The following MYT1L variants were observed in gnomAD, a reference collection of about 807,000 sequenced individuals.
The protein encoded by MYT1L is myelin transcription factor 1 like.
MYT1L carries 12 observed loss-of-function variants against 126.7 expected under a neutral mutation model. The observed-to-expected ratio is 0.09, with a 90% CI of 0.06 to 0.15. The LOEUF is 0.15. MYT1L is among the 10% of genes least tolerant of loss of function. The pLI, the probability that MYT1L is intolerant of heterozygous loss-of-function variation, is 1.00. For synonymous variants in MYT1L, 541 were observed against 604.2 expected, an observed-to-expected ratio of 0.90 and a Z score of 1.53; for missense variants, 979 against 1,585.2, an observed-to-expected ratio of 0.62 and a Z score of 6.49.
intron 3 of MYT1L, among the ~76,000 whole-genome samples, chr2:2,055,582 T>A (rs995627869): frequency 6.6e-6 from 1 of 152,144 alleles, no homozygotes; most frequent in African/African-American, 2.4e-5. Flanking sequence ...GACATAGTGG[T>A]TTTATAAAAA....
intron 1 of MYT1L, among the ~76,000 whole-genome samples, chr2:2,322,913 T>C (rs2096193836): frequency 6.6e-6 from 1 of 152,212 alleles, no homozygotes; most frequent in African/African-American, 2.4e-5. Context: ...TAAAACTGCT[T>C]GAGTTAAATT....
intron 2 of MYT1L, among the ~76,000 whole-genome samples, chr2:2,259,416 A>AT (rs931095139): frequency 3.3e-5 from 5 of 152,032 alleles, no homozygotes; most frequent in African/African-American, 1.2e-4. Context: ...CATTAAAAAA[A>AT]AAAATGGAAC....
chr2:2,004,803 C>A (rs1273728344), intron 4 of MYT1L, among the ~76,000 whole-genome samples: 1 of 149,300 alleles, frequency 6.7e-6, no homozygotes, highest in Non-Finnish European at 1.5e-5. Flanking sequence ...TGCATGTGTT[C>A]TTTCCTGCAG....
In MYT1L at chr2:1,897,681, T is replaced by C. The variant is rs567775274; in HGVS notation, c.2033-5394A>G. Among the ~76,000 whole-genome samples, 382 of 152,308 alleles carry C rather than the reference T, an allele frequency of 2.5e-3. 2 individuals carry two copies. The highest frequency in any genetic ancestry group is 4.8e-3 in the Non-Finnish European group (326 of 68,042). On this transcript the variant is annotated intron_variant, in intron 14 of 24. Transcript: ENST00000647738. ...TTTCACCATGTTGGCCAGGCTGATCTCAAACTCCTGACTTCAGGTGATCTG... is the reference window on the plus strand; with the variant it reads ...TTTCACCATGTTGGCCAGGCTGATCCCAAACTCCTGACTTCAGGTGATCTG...
chr2:2,233,828 G>A (rs1400168830), intron 2 of MYT1L, among the ~76,000 whole-genome samples: 3 of 152,208 alleles, frequency 2.0e-5, no homozygotes, highest in Non-Finnish European at 4.4e-5. Context: ...GGCCTGCCAA[G>A]CTCGTGGCCT....
At chr2:1,997,984 G>A (rs969618992) in intron 4 of MYT1L, among the ~76,000 whole-genome samples, 4 of 152,198 alleles carry the variant, frequency 2.6e-5, no homozygotes, top group African/African-American at 9.6e-5. Context: ...TCCCCAGTTA[G>A]TCAGGAGATA....
chr2:2,045,322 T>C (rs537698822), intron 4 of MYT1L, among the ~76,000 whole-genome samples: 1 of 152,312 alleles, frequency 6.6e-6, no homozygotes, highest in South Asian at 2.1e-4. Flanking sequence ...TGCACTGCGA[T>C]TGATTTTGCC....
At position 1,872,686 on chromosome 2, in the gene MYT1L, C is replaced by T. The variant is rs565592600; in HGVS notation, c.2711+13853G>A. Among the ~76,000 whole-genome samples the T allele has an allele frequency of 4.6e-5, 7 of 152,234 alleles. No homozygotes were observed. In the South Asian group the frequency reaches 1.2e-3, roughly 27 times the overall value. On this transcript the variant is annotated intron_variant, in intron 18 of 24. Transcript: ENST00000647738. The stretch of plus-strand genomic sequence containing the variant: ...TTTTAGTTTGTTAATTATCTTTGTC[C>T]TCTTTTTTCTGACATGCCCTCCCTC...
chr2:1,947,302 G>C (rs2057320835), intron 8 of MYT1L, among the ~76,000 whole-genome samples: 1 of 152,182 alleles, frequency 6.6e-6, no homozygotes, highest in Admixed American at 6.5e-5. Flanking sequence ...ACTGTGCGAT[G>C]TTGGCCCCAT....
intron 9 of MYT1L, among the ~76,000 whole-genome samples, chr2:1,940,274 T>A (rs1471670385): frequency 1.2e-3 from 162 of 133,104 alleles, no homozygotes; most frequent in Middle Eastern, 9.3e-3. Context: ...AGGTTATCTC[T>A]CAACATCTCC....
chr2:2,062,481 G>A (rs1229780782), intron 3 of MYT1L, among the ~76,000 whole-genome samples: 1 of 152,136 alleles, frequency 6.6e-6, no homozygotes, highest in Admixed American at 6.5e-5. Context: ...CCATCACCCA[G>A]TCCCTGCCCC....
chr2:2,068,728 CTT>C (rs201270937), intron 3 of MYT1L, among the ~76,000 whole-genome samples: 4,979 of 66,918 alleles, frequency 0.074, 133 homozygotes, highest in Non-Finnish European at 0.12. Context: ...GTAATACTGG[CTT>C]TTTTTTTTTT....
At chr2:2,026,271 G>C (rs781713737) in intron 4 of MYT1L, among the ~76,000 whole-genome samples, 17 of 152,314 alleles carry the variant, frequency 1.1e-4, no homozygotes, top group Admixed American at 1.3e-4. Context: ...GTGTGCGGGG[G>C]ACGTGGGTGA....
At chr2:2,325,445 A>T (rs975604544) in intron 1 of MYT1L, 2 of 152,244 alleles carry the variant, frequency 1.3e-5, no homozygotes, top group African/African-American at 4.8e-5. Flanking sequence ...GAAGAAAAAA[A>T]TATAGAAAAA....
chr2:1,875,835 G>A (rs535181749), intron 18 of MYT1L, among the ~76,000 whole-genome samples: 6 of 152,306 alleles, frequency 3.9e-5, no homozygotes, highest in African/African-American at 7.2e-5. Context: ...GAATTAACTC[G>A]CTGCTCCCTC....
chr2:1,808,352 G>A (rs945446429), intron 22 of MYT1L, among the ~76,000 whole-genome samples: 1 of 152,200 alleles, frequency 6.6e-6, no homozygotes, highest in African/African-American at 2.4e-5. Flanking sequence ...ACAGCCCCCT[G>A]CCCTTAGGAA....
intron 2 of MYT1L, among the ~76,000 whole-genome samples, chr2:2,194,112 C>T (rs1024540588): frequency 6.6e-6 from 1 of 151,974 alleles, no homozygotes; most frequent in Non-Finnish European, 1.5e-5. Flanking sequence ...TGGGTTCTCA[C>T]TCTGTCCCCC....
At chr2:2,308,627 G>A (rs1295079867) in intron 1 of MYT1L, among the ~76,000 whole-genome samples, 3 of 149,276 alleles carry the variant, frequency 2.0e-5, no homozygotes, top group South Asian at 2.1e-4. Context: ...TTATACTTCC[G>A]TATAACCTAC....
At chr2:2,170,137 A>T (rs17338505) in intron 3 of MYT1L, among the ~76,000 whole-genome samples, 1 of 152,228 alleles carries the variant, frequency 6.6e-6, no homozygotes, top group East Asian at 1.9e-4. Flanking sequence ...GGAGTAGCAC[A>T]TCTGTGGACA....
Sources: allele counts gnomAD v4.1 joint callset (sites outside exome capture counted in the v4.1 genomes callset), GRCh38; gene constraint gnomAD v4.1.1; transcripts MANE v1.5; gene names NCBI Gene and HGNC (gene_info 2026-07-23, HGNC 2026-07-21).